Variants in SLC2A13 observed in about 807,000 individuals in gnomAD.
SLC2A13 encodes proton myo-inositol cotransporter.
SLC2A13 carries 32 observed loss-of-function variants against 64.4 expected under a neutral mutation model. The ratio of observed to expected loss-of-function variants is 0.50; its 90% CI spans 0.37 to 0.67. SLC2A13 has a LOEUF of 0.67. Ranked by LOEUF, SLC2A13 falls within the 30% of genes least tolerant of loss-of-function variation. The probability of loss-of-function intolerance (pLI) is 0.00; values close to 1 mark genes in which losing one functional copy is unlikely to be tolerated. For synonymous variants in SLC2A13, 338 were observed against 327.1 expected (o/e 1.03, Z -0.36); for missense variants, 743 against 829.2 (o/e 0.90, Z 1.28).
intron 2 of SLC2A13, among the ~76,000 whole-genome samples, chr12:40,036,267 T>C (rs1417811237): frequency 6.6e-6 from 1 of 152,192 alleles, no homozygotes; most frequent in Non-Finnish European, 1.5e-5. Context: ...CATTGGTCAA[T>C]GCAGAACAGG....
chr12:39,958,375 T>A (rs1465108098), intron 3 of SLC2A13, among the ~76,000 whole-genome samples: 1 of 152,160 alleles, frequency 6.6e-6, no homozygotes, highest in African/African-American at 2.4e-5. Context: ...GTAGCCACTG[T>A]GAGATTCTGT....
At chr12:39,891,862 A>AT (rs1393756766) in intron 4 of SLC2A13, among the ~76,000 whole-genome samples, 2 of 152,170 alleles carry the variant, frequency 1.3e-5, no homozygotes, top group Non-Finnish European at 2.9e-5. Flanking sequence ...TGAAATAACA[A>AT]TTTTTTAAAG....
chr12:39,770,599 G>A (rs749217987), intron 7 of SLC2A13, among the ~76,000 whole-genome samples: 45 of 152,238 alleles, frequency 3.0e-4, no homozygotes, highest in Non-Finnish European at 5.1e-4. Flanking sequence ...ATCATGGGCT[G>A]TTGGGAACAT....
At chr12:39,979,990 C>T (rs1268267501) in intron 3 of SLC2A13, among the ~76,000 whole-genome samples, 1 of 150,790 alleles carries the variant, frequency 6.6e-6, no homozygotes, top group Admixed American at 6.6e-5. Context: ...AGAAACCCTA[C>T]AAGCCAGAAG....
rs753762693 is a variant in SLC2A13, at chr12:39,894,135, C to T, written c.1035-22174G>A. Among the ~76,000 whole-genome samples the T allele has an allele frequency of 1.2e-4, 19 of 152,280 alleles. No individual in the cohort carries two copies. In the East Asian group the frequency reaches 1.5e-3, roughly 12 times the overall value. ...ATACCAGCATTCTCCTATAGTGCCA[C>T]GTCACTAGGGCTTTGCAAAAAGTAA... On this transcript the variant is annotated intron_variant, in intron 4 of 9. Coordinates refer to ENST00000280871, the MANE Select transcript of SLC2A13 (RefSeq NM_052885.4).
chr12:39,895,445 G>C lies in SLC2A13; in HGVS notation c.1035-23484C>G, dbSNP rs549044015. ...GTGGAGCTTGCAGTGAGCCGAGATCGTGCCACTGCACTCCAGCCTGGGCGA... is the reference window on the plus strand; with the variant it reads ...GTGGAGCTTGCAGTGAGCCGAGATCCTGCCACTGCACTCCAGCCTGGGCGA... On this transcript the variant is annotated intron_variant, in intron 4 of 9. Coordinates refer to ENST00000280871, the MANE Select transcript of SLC2A13 (RefSeq NM_052885.4). Among the ~76,000 whole-genome samples the C allele has an allele frequency of 3.7e-3, 516 of 138,334 alleles. 8 individuals carry two copies. Among genetic ancestry groups the C allele is most frequent in the African/African-American group, 0.013 (491 of 36,508 alleles). The allele number at this position is 138,334 out of a possible 152,430, so 90.8% of individuals were successfully genotyped here. A position where few individuals can be genotyped will look rare whatever the true frequency, so the allele number is the denominator to read the frequency against.
chr12:39,913,911 ATTCCT>A (rs1335376996), intron 4 of SLC2A13, among the ~76,000 whole-genome samples: 1 of 152,090 alleles, frequency 6.6e-6, no homozygotes, highest in Non-Finnish European at 1.5e-5. Flanking sequence ...AATCTTACTC[ATTCCT>A]TTCAAGAATA....
In SLC2A13 at chr12:39,784,406, G is replaced by T. The variant is rs143565334; in HGVS notation, c.1446-19548C>A. ...AGAACAATGGAACAGAACAGAGCCC[G>T]CAGAAATAATGCCACACATCTACAA... On this transcript the variant is annotated intron_variant, in intron 7 of 9. Coordinates refer to ENST00000280871, the MANE Select transcript of SLC2A13 (RefSeq NM_052885.4). 2.4e-3 allele frequency among the ~76,000 whole-genome samples: 360 copies of T among 152,168 alleles called. 6 individuals are homozygous for T. The highest frequency in any genetic ancestry group is 0.018 in the Admixed American group (278 of 15,266).
chr12:39,877,976 T>C (rs766383842), intron 4 of SLC2A13, among the ~76,000 whole-genome samples: 1 of 152,082 alleles, frequency 6.6e-6, no homozygotes, highest in African/African-American at 2.4e-5. Flanking sequence ...AAGTGTGAGG[T>C]ACCTCCCCTG....
chr12:39,763,720 C>T (rs1387655690), intron 9 of SLC2A13, among the ~76,000 whole-genome samples: 2 of 152,070 alleles, frequency 1.3e-5, no homozygotes, highest in Non-Finnish European at 2.9e-5. Flanking sequence ...TAGAATGAAA[C>T]CTCATACTTC....
rs371378458 is a variant in SLC2A13, at chr12:39,859,481, CT to C, written c.1319+5280del. 7.6e-3 allele frequency among the ~76,000 whole-genome samples: 1,149 copies of C among 152,076 alleles called. 16 individuals carry two copies. The highest frequency in any genetic ancestry group is 0.026 in the African/African-American group (1,096 of 41,476). ...AGGGAAAACAGGTGACTTTAAGTAC[CT>C]CTGCAGATGACCCTGGTTAAGACTC... On this transcript the variant is annotated intron_variant, in intron 6 of 9. Transcript: ENST00000280871.
intron 4 of SLC2A13, among the ~76,000 whole-genome samples, chr12:39,889,306 A>G (rs1483312272): frequency 1.3e-5 from 2 of 152,040 alleles, no homozygotes; most frequent in African/African-American, 4.8e-5. Context: ...TTTAATTATT[A>G]CTTTATTCTT....
At chr12:40,018,694 T>C (rs28370663) in intron 3 of SLC2A13, among the ~76,000 whole-genome samples, 2 of 152,206 alleles carry the variant, frequency 1.3e-5, no homozygotes, top group African/African-American at 4.8e-5. Context: ...TCAAATTTAA[T>C]ATAATTCTTT....
chr12:39,896,476 A>ATATGTGTATATATGTACACATATATG lies in SLC2A13; in HGVS notation c.1035-24541_1035-24516dup, dbSNP rs1944900108. The stretch of plus-strand genomic sequence containing the variant: ...TGTGTATATATGTATACATATATGT[A>ATATGTGTATATATGTACACATATATG]TATGTGTATATATGTACACATATAT... On this transcript the variant is annotated intron_variant, in intron 4 of 9. Transcript: ENST00000280871. Among the ~76,000 whole-genome samples, 8 of 143,604 alleles carry ATATGTGTATATATGTACACATATATG rather than the reference A, an allele frequency of 5.6e-5. 2 individuals are homozygous for ATATGTGTATATATGTACACATATATG. Among genetic ancestry groups the ATATGTGTATATATGTACACATATATG allele is most frequent in the African/African-American group, 1.8e-4 (7 of 39,456 alleles). 94.2% of individuals were successfully genotyped at this position (143,604 alleles called of 152,430 possible). A position where few individuals can be genotyped will look rare whatever the true frequency, so the allele number is the denominator to read the frequency against.
chr12:39,835,038 G>A (rs372750564), intron 6 of SLC2A13, among the ~76,000 whole-genome samples: 7 of 151,908 alleles, frequency 4.6e-5, no homozygotes, highest in African/African-American at 9.7e-5. Flanking sequence ...GATGAATTTC[G>A]GTAAGGTTTT....
intron 6 of SLC2A13, among the ~76,000 whole-genome samples, chr12:39,858,179 T>A (rs1216608149): frequency 6.6e-6 from 1 of 152,220 alleles, no homozygotes; most frequent in East Asian, 1.9e-4. Flanking sequence ...ACACTGGGTA[T>A]TTATTTAAGT....
intron 3 of SLC2A13, among the ~76,000 whole-genome samples, chr12:40,023,394 A>G (rs1023540868): frequency 1.3e-4 from 20 of 152,190 alleles, no homozygotes; most frequent in Admixed American, 6.5e-5. Context: ...CTGACAAGTC[A>G]TGGCAGCAAC....
chr12:39,918,978 A>C (rs1329720225), intron 4 of SLC2A13, among the ~76,000 whole-genome samples: 1 of 151,430 alleles, frequency 6.6e-6, no homozygotes, highest in East Asian at 1.9e-4. Flanking sequence ...ACATATATCT[A>C]TACATTTTTT....
At chr12:39,927,860 T>C (rs994008831) in intron 4 of SLC2A13, among the ~76,000 whole-genome samples, 2 of 152,156 alleles carry the variant, frequency 1.3e-5, no homozygotes, top group Non-Finnish European at 2.9e-5. Context: ...TGAGCTCCTG[T>C]GGAAGGAAAG....
Sources: gnomAD v4.1 joint callset for allele counts (sites outside exome capture counted in the v4.1 genomes callset) on GRCh38, gnomAD v4.1.1 for gene constraint, MANE v1.5 for transcripts, NCBI Gene and HGNC (gene_info 2026-07-23, HGNC 2026-07-21) for gene names.